Variants in DLGAP1 observed in about 807,000 individuals in gnomAD.
The protein encoded by DLGAP1 is DLG associated protein 1.
Under a neutral mutation model 90.8 loss-of-function variants are expected in DLGAP1, and 11 were observed. The ratio of observed to expected loss-of-function variants is 0.12; its 90% CI spans 0.08 to 0.20. The LOEUF (loss-of-function observed/expected upper bound fraction) is 0.20. Ranked by LOEUF, DLGAP1 falls within the 10% of genes least tolerant of loss-of-function variation. DLGAP1 has a pLI of 1.00. For synonymous variants in DLGAP1, 558 were observed against 540.7 expected (o/e 1.03, Z -0.44); for missense variants, 1,050 against 1,333.8 (o/e 0.79, Z 3.31).
chr18:4,280,649 A>G (rs1313475084), intron 1 of DLGAP1: 1 of 152,226 alleles, frequency 6.6e-6, no homozygotes, highest in Non-Finnish European at 1.5e-5. Context: ...AATTGCTGCA[A>G]TTAGACTTTT....
chr18:4,383,468 G>A lies in DLGAP1; in HGVS notation c.-267+71538C>T, dbSNP rs2082170999. On this transcript the variant is annotated intron_variant, in intron 1 of 12. Transcript: ENST00000315677. The surrounding 1 kb of genome is among the most constrained non-coding windows in gnomAD (Gnocchi z 4.0). ...GTAAGATATCTCCCTCTAGTTTACT[G>A]GCAGGAGCTTGTACTAGAAACAGCA... Among the ~76,000 whole-genome samples the A allele has an allele frequency of 6.6e-6, 1 of 151,870 alleles. No homozygotes were observed. The highest frequency in any genetic ancestry group is 2.4e-5 in the African/African-American group (1 of 41,364).
intron 7 of DLGAP1, among the ~76,000 whole-genome samples, chr18:3,686,059 C>T (rs2060693539): frequency 6.6e-6 from 1 of 152,070 alleles, no homozygotes; most frequent in Non-Finnish European, 1.5e-5. Flanking sequence ...TGCCTGTAAT[C>T]CCAGCTACTT....
At chr18:4,133,314 C>G (rs1037363102) in intron 2 of DLGAP1, among the ~76,000 whole-genome samples, 1 of 152,166 alleles carries the variant, frequency 6.6e-6, no homozygotes, top group Admixed American at 6.5e-5. Flanking sequence ...ACCAGAGGTA[C>G]AAGGGTTGCC....
At chr18:4,130,243 TC>T (rs1308754334) in intron 2 of DLGAP1, among the ~76,000 whole-genome samples, 2 of 152,174 alleles carry the variant, frequency 1.3e-5, no homozygotes, top group Non-Finnish European at 2.9e-5. Flanking sequence ...ATCTCCTATT[TC>T]CCAAATTTTC....
At chr18:3,500,052 C>T in intron 12 of DLGAP1, among the ~76,000 whole-genome samples, 1 of 152,068 alleles carries the variant, frequency 6.6e-6, no homozygotes, top group East Asian at 1.9e-4. Context: ...TTCCTACACT[C>T]GAGAGTTAAT....
At chr18:4,138,587 C>T (rs1426896603) in intron 2 of DLGAP1, among the ~76,000 whole-genome samples, 21 of 151,886 alleles carry the variant, frequency 1.4e-4, no homozygotes, top group Non-Finnish European at 1.5e-5. Flanking sequence ...GGATATTGAC[C>T]AGTAGTTTCC....
chr18:4,203,723 C>A (rs573262475), intron 1 of DLGAP1, among the ~76,000 whole-genome samples: 1 of 152,266 alleles, frequency 6.6e-6, no homozygotes, highest in African/African-American at 2.4e-5. Flanking sequence ...CTCAGGGGAA[C>A]ACAATGATGA....
At chr18:4,144,297 A>G (rs1206943131) in intron 2 of DLGAP1, among the ~76,000 whole-genome samples, 1 of 152,170 alleles carries the variant, frequency 6.6e-6, no homozygotes, top group Non-Finnish European at 1.5e-5. Flanking sequence ...GCTGGGACAG[A>G]CAATTCCCCT....
rs1188276173 is a variant in DLGAP1, at chr18:4,272,719, G to A, written c.-266-121432C>T. 3.3e-5 allele frequency among the ~76,000 whole-genome samples: 5 copies of A among 152,306 alleles called. No individual in the cohort carries two copies. The East Asian group carries it at 9.7e-4, about 29-fold the overall frequency. On this transcript the variant is annotated intron_variant, in intron 1 of 12. Transcript: ENST00000315677. ...CTCTTCTACGGGAAAGCGTTTTATA[G>A]TGGCCTACATTGTATGCCCTCAAAA...
intron 5 of DLGAP1, among the ~76,000 whole-genome samples, chr18:3,750,635 T>C (rs1196078019): frequency 6.6e-6 from 1 of 152,198 alleles, no homozygotes; most frequent in African/African-American, 2.4e-5. Context: ...TCCTTGAATG[T>C]ATCTCTCTTG....
chr18:3,500,206 CTATGAAATGGGCGGA>C (rs2049858363), intron 12 of DLGAP1, among the ~76,000 whole-genome samples: 1 of 152,030 alleles, frequency 6.6e-6, no homozygotes, highest in Admixed American at 6.6e-5. Flanking sequence ...CAGCAGCAAA[CTATGAAATGGGCGGA>C]TATTTTCAAT....
In DLGAP1 at chr18:3,578,801, G is replaced by C. The variant is rs374818988; in HGVS notation, c.1965+3074C>G. Among the ~76,000 whole-genome samples the C allele has an allele frequency of 7.9e-5, 12 of 152,252 alleles. 1 individual carries two copies. The East Asian group carries it at 1.2e-3, about 15-fold the overall frequency. Reference sequence around the variant, plus strand: ...TCTCTGTGCTCTCATCTGTAGGGCAGAGATGATCCTAACACCTACGCCATA... The same window carrying C: ...TCTCTGTGCTCTCATCTGTAGGGCACAGATGATCCTAACACCTACGCCATA... On this transcript the variant is annotated intron_variant, in intron 8 of 12. Coordinates refer to ENST00000315677, the MANE Select transcript of DLGAP1 (RefSeq NM_004746.4).
At chr18:4,235,365 G>A (rs2078386295) in intron 1 of DLGAP1, among the ~76,000 whole-genome samples, 1 of 152,198 alleles carries the variant, frequency 6.6e-6, no homozygotes, top group African/African-American at 2.4e-5. Flanking sequence ...CCTCAAATGT[G>A]AGGGGTAACT....
chr18:3,609,488 C>T (rs1421982997), intron 7 of DLGAP1, among the ~76,000 whole-genome samples: 1 of 152,182 alleles, frequency 6.6e-6, no homozygotes, highest in Non-Finnish European at 1.5e-5. Context: ...ATATTTCTTC[C>T]ACACGCTAGA....
chr18:3,762,742 T>C (rs2064026495), intron 5 of DLGAP1, among the ~76,000 whole-genome samples: 1 of 152,184 alleles, frequency 6.6e-6, no homozygotes, highest in African/African-American at 2.4e-5. Flanking sequence ...AACACAGCAA[T>C]CATGTATCTT....
chr18:3,741,333 C>T (rs867025116), intron 6 of DLGAP1, among the ~76,000 whole-genome samples: 1 of 133,776 alleles, frequency 7.5e-6, no homozygotes, highest in Non-Finnish European at 1.6e-5. Flanking sequence ...ACCACCATCA[C>T]CACCACCACC....
intron 1 of DLGAP1, among the ~76,000 whole-genome samples, chr18:4,322,003 C>G (rs543177835): frequency 6.6e-6 from 1 of 152,028 alleles, no homozygotes; most frequent in African/African-American, 2.4e-5. Flanking sequence ...AGTTCGAGAC[C>G]AGCCTGGTCA....
At chr18:3,778,769 T>C (rs1486055389) in intron 5 of DLGAP1, among the ~76,000 whole-genome samples, 1 of 152,104 alleles carries the variant, frequency 6.6e-6, no homozygotes, top group Admixed American at 6.6e-5. Flanking sequence ...TAAGGATAAA[T>C]ATTCCCTGGG....
At chr18:4,010,708 G>A (rs575422172) in intron 2 of DLGAP1, among the ~76,000 whole-genome samples, 44 of 152,192 alleles carry the variant, frequency 2.9e-4, no homozygotes, top group African/African-American at 1.0e-3. Flanking sequence ...AGGGTTGCTC[G>A]TTAGCTCCTC....
Sources: allele counts gnomAD v4.1 joint callset (sites outside exome capture counted in the v4.1 genomes callset), GRCh38; gene constraint gnomAD v4.1.1; non-coding constraint Gnocchi (gnomAD v3.1); transcripts MANE v1.5; gene names NCBI Gene and HGNC (gene_info 2026-07-23, HGNC 2026-07-21).